The following PCDH11X variants were observed in gnomAD, a reference collection of about 807,000 sequenced individuals.
PCDH11X encodes the protein protocadherin 11 X-linked.
Under a neutral mutation model 53.3 loss-of-function variants are expected in PCDH11X, and 18 were observed. That is an observed-to-expected ratio of 0.34 (90% CI 0.23 to 0.50). PCDH11X has a LOEUF of 0.50. PCDH11X is among the 20% of genes least tolerant of loss of function. The pLI is 0.98. For missense variants in PCDH11X, 570 were observed against 1,032.4 expected, an observed-to-expected ratio of 0.55 and a Z score of 6.14; for synonymous variants, 279 against 393.3, an observed-to-expected ratio of 0.71 and a Z score of 3.44.
intron 7 of PCDH11X, among the ~76,000 whole-genome samples, chrX:92,221,268 C>T (rs1165999662): frequency 1.2e-4 from 9 of 74,599 alleles, no homozygotes; most frequent in Non-Finnish European, 2.6e-5. Context: ...AAAAAGAAAA[C>T]ATTGTATACA....
intron 7 of PCDH11X, among the ~76,000 whole-genome samples, chrX:92,237,829 T>C (rs1411581708): frequency 4.5e-5 from 5 of 111,673 alleles, no homozygotes; most frequent in Non-Finnish European, 9.4e-5. Context: ...AAACCACTTA[T>C]GCCAAAGCAT....
chrX:92,035,080 G>A (rs1431681885), intron 6 of PCDH11X, among the ~76,000 whole-genome samples: 1 of 110,328 alleles, frequency 9.1e-6, no homozygotes, highest in Non-Finnish European at 1.9e-5. Context: ...TAACTTTTTT[G>A]TTTCTGTTTA....
intron 6 of PCDH11X, among the ~76,000 whole-genome samples, chrX:91,900,164 G>A (rs577567747): frequency 7.2e-5 from 8 of 110,822 alleles, no homozygotes; most frequent in South Asian, 4.0e-4. Context: ...GTTTCATCTC[G>A]GTAGTCGGGG....
chrX:91,823,626 C>G (rs1469672444), intron 4 of PCDH11X, among the ~76,000 whole-genome samples: 1 of 111,452 alleles, frequency 9.0e-6, no homozygotes, highest in Non-Finnish European at 1.9e-5. Flanking sequence ...GACTCTTTAT[C>G]CAATTTGCCA....
At chrX:92,491,736 TC>T (rs1008307211) in intron 10 of PCDH11X, among the ~76,000 whole-genome samples, 6 of 111,285 alleles carry the variant, frequency 5.4e-5, no homozygotes, top group African/African-American at 2.0e-4. Context: ...CCCCATTTTC[TC>T]CCTCTCCTTA....
At chrX:92,608,475 A>G (rs1418538583) in intron 10 of PCDH11X, among the ~76,000 whole-genome samples, 1 of 109,462 alleles carries the variant, frequency 9.1e-6, no homozygotes, top group East Asian at 2.9e-4. Context: ...AAACCTTTGT[A>G]TTATCGTTTG....
chrX:92,125,268 G>T (rs1440167101), intron 6 of PCDH11X, among the ~76,000 whole-genome samples: 4 of 111,514 alleles, frequency 3.6e-5, no homozygotes, highest in Admixed American at 9.6e-5. Flanking sequence ...GGTAATGCAT[G>T]CAATAAAGTT....
chrX:92,495,385 C>T (rs1253246015), intron 10 of PCDH11X, among the ~76,000 whole-genome samples: 3 of 109,319 alleles, frequency 2.7e-5, no homozygotes, highest in South Asian at 4.0e-4. Context: ...AACACACAGT[C>T]GCAGTCAATT....
intron 7 of PCDH11X, among the ~76,000 whole-genome samples, chrX:92,218,567 CCAAA>C (rs1250655870): frequency 1.2e-4 from 13 of 108,989 alleles, no homozygotes; most frequent in Admixed American, 2.0e-4. Flanking sequence ...AGCTTACCAA[CCAAA>C]CAGAGTCCAG....
chrX:92,183,884 ACT>A (rs1359770102), intron 6 of PCDH11X, among the ~76,000 whole-genome samples: 1 of 111,081 alleles, frequency 9.0e-6, no homozygotes, highest in Non-Finnish European at 1.9e-5. Flanking sequence ...TTTCTTGATC[ACT>A]CTATGTAAAA....
At chrX:91,820,128 A>C (rs1936606341) in intron 4 of PCDH11X, among the ~76,000 whole-genome samples, 1 of 94,019 alleles carries the variant, frequency 1.1e-5, no homozygotes. Context: ...GCCACAATAA[A>C]CATACGTGTG....
intron 7 of PCDH11X, among the ~76,000 whole-genome samples, chrX:92,251,544 A>G (rs2067461168): frequency 9.0e-6 from 1 of 111,519 alleles, no homozygotes; most frequent in Non-Finnish European, 1.9e-5. Context: ...CCTTGTAAGT[A>G]GAGCAACTAG....
At chrX:91,846,283 C>T (rs1453962709) in intron 5 of PCDH11X, among the ~76,000 whole-genome samples, 7 of 111,018 alleles carry the variant, frequency 6.3e-5, no homozygotes, top group Non-Finnish European at 5.7e-5. Context: ...AGATTAGATA[C>T]AGCTATAAGT....
chrX:92,127,740 C>T (rs2064895780), intron 6 of PCDH11X, among the ~76,000 whole-genome samples: 1 of 110,212 alleles, frequency 9.1e-6, no homozygotes, highest in African/African-American at 3.3e-5. Flanking sequence ...CCAGCATGAT[C>T]TCGAGCTCCT....
chrX:91,980,943 TA>T (rs750649690), intron 6 of PCDH11X, among the ~76,000 whole-genome samples: 33 of 98,226 alleles, frequency 3.4e-4, no homozygotes, highest in African/African-American at 1.0e-3. Context: ...ACAGTGTATA[TA>T]TTTTATATAT....
intron 6 of PCDH11X, among the ~76,000 whole-genome samples, chrX:92,162,953 G>A (rs2065668543): frequency 9.7e-6 from 1 of 103,305 alleles, no homozygotes; most frequent in East Asian, 3.2e-4. Context: ...GGACCATCAG[G>A]TGGGGGCAGG....
intron 10 of PCDH11X, among the ~76,000 whole-genome samples, chrX:92,585,386 T>A (rs2148791570): frequency 9.4e-6 from 1 of 106,224 alleles, no homozygotes; most frequent in East Asian, 3.0e-4. Flanking sequence ...TTTTTTTTTT[T>A]TTTGGGACAG....
intron 6 of PCDH11X, among the ~76,000 whole-genome samples, chrX:92,149,713 TAA>T (rs2065399386): frequency 9.0e-6 from 1 of 111,145 alleles, no homozygotes; most frequent in Non-Finnish European, 1.9e-5. Flanking sequence ...TTGTCATAAC[TAA>T]AAGTTTCCTC....
intron 10 of PCDH11X, among the ~76,000 whole-genome samples, chrX:92,537,171 T>C (rs2074673603): frequency 9.1e-6 from 1 of 110,490 alleles, no homozygotes; most frequent in African/African-American, 3.3e-5. Flanking sequence ...ATTATTTTCT[T>C]CATCCTGCAG....
Sources: gnomAD v4.1 joint callset for allele counts (sites outside exome capture counted in the v4.1 genomes callset) on GRCh38, gnomAD v4.1.1 for gene constraint, MANE v1.5 for transcripts, NCBI Gene and HGNC (gene_info 2026-07-23, HGNC 2026-07-21) for gene names.